The following PARP15 variants were observed in gnomAD, a reference collection of about 807,000 sequenced individuals.
PARP15 encodes the protein protein mono-ADP-ribosyltransferase PARP15.
Under a neutral mutation model 62.1 loss-of-function variants are expected in PARP15, and 50 were observed. That is an observed-to-expected ratio of 0.81 (90% CI 0.64 to 1.02). The LOEUF (loss-of-function observed/expected upper bound fraction) is 1.02. PARP15 is among the 50% of genes least tolerant of loss of function. The pLI, the probability that PARP15 is intolerant of heterozygous loss-of-function variation, is 0.00. For synonymous variants in PARP15, 309 were observed against 293.1 expected, an observed-to-expected ratio of 1.05 and a Z score of -0.55; for missense variants, 820 against 826.5, an observed-to-expected ratio of 0.99 and a Z score of 0.10.
At chr3:122,580,036 T>TATATAC (rs2080771230) in intron 1 of PARP15, among the ~76,000 whole-genome samples, 1 of 138,774 alleles carries the variant, frequency 7.2e-6, no homozygotes. Context: ...TATATATATA[T>TATATAC]GCACGCGCGC....
At chr3:122,633,941 C>T (rs1937203007) in intron 10 of PARP15, among the ~76,000 whole-genome samples, 1 of 152,242 alleles carries the variant, frequency 6.6e-6, no homozygotes, top group African/African-American at 2.4e-5. Context: ...TCATGGTCCC[C>T]AGCCTCAGCT....
chr3:122,610,354 C>A, intron 2 of PARP15, 140 bp from the exon 3 acceptor site: 1 of 724,916 alleles, frequency 1.4e-6, no homozygotes, highest in Non-Finnish European at 2.3e-6. Context: ...AGACTGTAAG[C>A]TCCTTGAGGG....
At chr3:122,591,901 C>T (rs773126480) in intron 1 of PARP15, among the ~76,000 whole-genome samples, 1 of 152,084 alleles carries the variant, frequency 6.6e-6, no homozygotes. Flanking sequence ...TACCATCTCA[C>T]GCCAATCAGA....
intron 1 of PARP15, among the ~76,000 whole-genome samples, chr3:122,587,591 G>T (rs1933545493): frequency 6.6e-6 from 1 of 152,098 alleles, no homozygotes; most frequent in Non-Finnish European, 1.5e-5. Context: ...GAGTGCAGTG[G>T]CACAATCACT....
At position 122,579,993 on chromosome 3, in the gene PARP15, C is replaced by CTATATGTATA. The variant is rs1553725401; in HGVS notation, c.186+2146_186+2155dup. Among the ~76,000 whole-genome samples the CTATATGTATA allele has an allele frequency of 9.3e-4, 66 of 70,870 alleles. 2 individuals carry two copies. Among genetic ancestry groups the CTATATGTATA allele is most frequent in the African/African-American group, 3.6e-3 (61 of 17,150 alleles). 46.5% of individuals were successfully genotyped at this position (70,870 alleles called of 152,430 possible). A position where few individuals can be genotyped will look rare whatever the true frequency, so the allele number is the denominator to read the frequency against. On this transcript the variant is annotated intron_variant, in intron 1 of 11. Transcript: ENST00000464300. Reference sequence around the variant, plus strand: ...GACTCTGTCTGAACAACAACAGCAACTATATGTATATATATATATATATAT... The same window carrying CTATATGTATA: ...GACTCTGTCTGAACAACAACAGCAACTATATGTATATATATGTATATATATATATATATAT...
rs1576515368 is a variant in PARP15, at chr3:122,610,674, G to A, written c.487G>A (p.Ala163Thr). Residue 163 changes from alanine (A) to threonine (T), a missense_variant, in exon 3 of 12, where the codon GCT (alanine) becomes ACT (threonine). Ala to Thr is a moderately conservative substitution (Grantham distance 58, BLOSUM62 0). Around this residue, in one of 3 missense-constraint regions of PARP15, gnomAD observed 731 missense variants for 727.7 expected, o/e 1.00. Coordinates refer to ENST00000464300, the MANE Select transcript of PARP15 (RefSeq NM_001113523.3). ...MTSGCNLDCK[A>T]VLHAVAPYWN... is the part of the protein sequence containing the mutation. ...AAGCGGCTGCAATCTGGACTGCAAA[G>A]CTGTGCTCCATGCTGTGGCTCCATA... is the stretch of plus-strand genomic sequence containing the variant. 1.3e-6 allele frequency: 2 copies of A among 1,549,958 alleles called. No homozygotes were observed.
chr3:122,625,494 T>A (rs140045340), intron 8 of PARP15, among the ~76,000 whole-genome samples: 241 of 152,316 alleles, frequency 1.6e-3, no homozygotes, highest in Middle Eastern at 6.8e-3. Flanking sequence ...CCTGAAGTGA[T>A]CTGCACGCCT....
At chr3:122,597,664 T>C (rs1161607780) in intron 1 of PARP15, among the ~76,000 whole-genome samples, 1 of 152,220 alleles carries the variant, frequency 6.6e-6, no homozygotes, top group Non-Finnish European at 1.5e-5. Flanking sequence ...GAAAAATAAA[T>C]TTTGTTGCAA....
chr3:122,632,250 A>G, intron 10 of PARP15, 31 bp downstream of exon 10: 1 of 1,595,318 alleles, frequency 6.3e-7, no homozygotes, highest in Non-Finnish European at 8.6e-7. Flanking sequence ...ACTGTTCAAA[A>G]ATGTTGATGA....
chr3:122,597,261 G>T (rs1302520959), intron 1 of PARP15, among the ~76,000 whole-genome samples: 1 of 152,018 alleles, frequency 6.6e-6, no homozygotes, highest in Non-Finnish European at 1.5e-5. Context: ...ACCTCTTAAA[G>T]GCCCCATCTC....
At chr3:122,582,034 T>G (rs891458768) in intron 1 of PARP15, among the ~76,000 whole-genome samples, 6 of 152,230 alleles carry the variant, frequency 3.9e-5, no homozygotes, top group Non-Finnish European at 5.9e-5. Context: ...TTACTCACAT[T>G]TTACCATTTT....
chr3:122,601,671 A>T (rs1934806097), intron 1 of PARP15, among the ~76,000 whole-genome samples: 1 of 152,236 alleles, frequency 6.6e-6, no homozygotes, highest in Admixed American at 6.5e-5. Context: ...ATCCACTCAC[A>T]GAAGGACATC....
intron 7 of PARP15, 73 bp from the exon 8 acceptor site, chr3:122,621,371 A>G: frequency 6.7e-7 from 1 of 1,488,872 alleles, no homozygotes; most frequent in Non-Finnish European, 9.0e-7. Context: ...AGCTGTTTTC[A>G]TTTCTCAAAA....
intron 1 of PARP15, among the ~76,000 whole-genome samples, chr3:122,590,012 A>G (rs980012831): frequency 6.6e-6 from 1 of 150,656 alleles, no homozygotes; most frequent in Non-Finnish European, 1.5e-5. Flanking sequence ...CACCCTCTCA[A>G]GTAGCTGGGA....
At chr3:122,578,171 T>C (rs1182016637) in intron 1 of PARP15, among the ~76,000 whole-genome samples, 2 of 151,964 alleles carry the variant, frequency 1.3e-5, no homozygotes, top group African/African-American at 4.8e-5. Flanking sequence ...GTTTTTTGAG[T>C]TTGCTTATGG....
Position 122,580,039 on chromosome 3 carries a change from A to ATG in PARP15, c.186+2186_186+2187insTG, listed in dbSNP as rs1559915678. On this transcript the variant is annotated intron_variant, in intron 1 of 11. Coordinates refer to ENST00000464300, the MANE Select transcript of PARP15 (RefSeq NM_001113523.3). ...TATATATATATATATATATATATGC[A>ATG]CGCGCGCACACACACACACAGAGAC... Among the ~76,000 whole-genome samples, 323 of 135,658 alleles carry ATG rather than the reference A, an allele frequency of 2.4e-3. 7 individuals carry two copies. The highest frequency in any genetic ancestry group is 8.5e-3 in the African/African-American group (303 of 35,440). 89.0% of individuals were successfully genotyped at this position (135,658 alleles called of 152,430 possible).
At chr3:122,609,136 G>A (rs545142341) in intron 2 of PARP15, among the ~76,000 whole-genome samples, 1 of 152,280 alleles carries the variant, frequency 6.6e-6, no homozygotes, top group Middle Eastern at 3.4e-3. Context: ...GTGGGAGTGA[G>A]GAGAACATGG....
intron 5 of PARP15, among the ~76,000 whole-genome samples, chr3:122,616,107 T>C (rs1484619842): frequency 6.6e-6 from 1 of 152,240 alleles, no homozygotes; most frequent in East Asian, 1.9e-4. Context: ...AAACCGTGCC[T>C]GGCACACTAT....
rs1937369196 is a variant in PARP15 at position 122,636,304 on chromosome 3, A to G, written c.*204A>G. 8.9e-6 allele frequency: 5 copies of G among 559,526 alleles called. No individual in the cohort carries two copies. The South Asian group carries it at 1.2e-4, about 13-fold the overall frequency. The allele number at this position is 559,526 out of a possible 1,614,324, so 34.7% of individuals were successfully genotyped here. A position where few individuals can be genotyped will look rare whatever the true frequency, so the allele number is the denominator to read the frequency against. On this transcript the variant is annotated 3_prime_UTR_variant, in exon 12 of 12. Coordinates refer to ENST00000464300, the MANE Select transcript of PARP15 (RefSeq NM_001113523.3). ...GCAAATTGATGGGTGGAAGCTGAGA[A>G]ATGTATGGTAAATGTCACAGAGCTA...
Sources: gnomAD v4.1 joint callset for allele counts (sites outside exome capture counted in the v4.1 genomes callset) on GRCh38, gnomAD v4.1.1 for gene constraint, gnomAD v4.1.1 regional missense constraint, MANE v1.5 for transcripts, NCBI Gene and HGNC (gene_info 2026-07-23, HGNC 2026-07-21) for gene names.